TRIM25: variants seen among roughly 807,000 people sequenced by gnomAD.
TRIM25 encodes E3 ubiquitin/ISG15 ligase TRIM25.
In TRIM25, 45 loss-of-function variants were observed where a neutral mutation model predicts 65.2. The ratio of observed to expected loss-of-function variants is 0.69; its 90% CI spans 0.54 to 0.89. The LOEUF is 0.89. Ranked by LOEUF, TRIM25 falls within the 40% of genes least tolerant of loss-of-function variation. TRIM25 has a pLI of 0.00. For missense variants in TRIM25, 714 were observed against 803.7 expected (o/e 0.89, Z 1.35); for synonymous variants, 321 against 340.4 (o/e 0.94, Z 0.63).
chr17:56,908,654 C>A, intron 1 of TRIM25, 91 bp from the exon 2 acceptor site: 1 of 1,280,760 alleles, frequency 7.8e-7, no homozygotes, highest in Non-Finnish European at 1.1e-6. Flanking sequence ...GGATAGATTC[C>A]TTCCTCTTCC....
rs531536174 is a variant in TRIM25, at chr17:56,913,626, C to T, written c.363G>A (p.Val121=). Residue 121 remains valine (V), a synonymous_variant, in exon 1 of 9, where the codon GTG becomes GTA. Transcript: ENST00000316881. This position sits in a 1 kb window ranked among gnomAD's most constrained non-coding sequence, Gnocchi z 6.1. ...GCTCCTGACAGAAGGAGGCCATGCACACCAAGCACGTCTTCACGGCGGCCT... is the reference window on the plus strand; with the variant it reads ...GCTCCTGACAGAAGGAGGCCATGCATACCAAGCACGTCTTCACGGCGGCCT... ...LKEAAVKTCL[V]CMASFCQEHL... The T allele has an allele frequency of 5.1e-5, 82 of 1,603,264 alleles. 4 individuals carry two copies. The South Asian group carries it at 8.9e-4, about 17-fold the overall frequency.
In TRIM25 at chr17:56,900,028, A is replaced by G. The variant is rs572297823; in HGVS notation, c.1088-848T>C. On this transcript the variant is annotated intron_variant, in intron 4 of 8. Coordinates refer to ENST00000316881, the MANE Select transcript of TRIM25 (RefSeq NM_005082.5). ...CGAGAGTTCAAGACTAGCCTGACCAAAGTAGTGAAACCATGTCTCTATTAA... is the reference window on the plus strand; with the variant it reads ...CGAGAGTTCAAGACTAGCCTGACCAGAGTAGTGAAACCATGTCTCTATTAA... Among the ~76,000 whole-genome samples, 5 of 152,246 alleles carry G rather than the reference A, an allele frequency of 3.3e-5. No individual in the cohort carries two copies. The South Asian group carries it at 1.0e-3, about 32-fold the overall frequency.
In TRIM25 at chr17:56,913,856, C is replaced by T; in HGVS notation, c.133G>A (p.Gly45Ser). 1 of 1,560,410 alleles carries T rather than the reference C, an allele frequency of 6.4e-7. No homozygotes were observed. Among genetic ancestry groups the T allele is most frequent in the Non-Finnish European group, 8.7e-7 (1 of 1,152,838 alleles). Reference protein sequence around the residue: ...SCLNETWAVQGSPYLCPQCRA... With the variant: ...SCLNETWAVQSSPYLCPQCRA... ...CACTGCGGGCACAGGTATGGCGAGC[C>T]CTGGACTGCCCACGTCTCATTCAGG... is the stretch of plus-strand genomic sequence containing the variant. The change falls in exon 1 of 9, where the codon GGC (glycine) becomes AGC (serine). Residue 45 changes from glycine (G) to serine (S), a missense_variant. This residue lies in a region of TRIM25 where 291 missense variants were observed against 281.8 expected (regional missense o/e 1.03). Coordinates refer to ENST00000316881, the MANE Select transcript of TRIM25 (RefSeq NM_005082.5). This position sits in a 1 kb window ranked among gnomAD's most constrained non-coding sequence, Gnocchi z 6.1.
chr17:56,894,306 T>C (rs1909242072), intron 8 of TRIM25, among the ~76,000 whole-genome samples: 1 of 152,228 alleles, frequency 6.6e-6, no homozygotes, highest in Non-Finnish European at 1.5e-5. Context: ...TGGAGTGCAG[T>C]GGCACAATCT....
chr17:56,893,564 C>G (rs1909227237), intron 8 of TRIM25, among the ~76,000 whole-genome samples: 1 of 152,216 alleles, frequency 6.6e-6, no homozygotes, highest in Non-Finnish European at 1.5e-5. Flanking sequence ...AAAGGAAGGG[C>G]TATATTTTTC....
intron 5 of TRIM25, among the ~76,000 whole-genome samples, chr17:56,896,590 G>C (rs1242618673): frequency 6.6e-6 from 1 of 151,160 alleles, no homozygotes; most frequent in Non-Finnish European, 1.5e-5. Flanking sequence ...AATTGCTTGA[G>C]CCCAGGAGGA....
At position 56,913,103 on chromosome 17, in the gene TRIM25, G is replaced by A. The variant is rs1459908663; in HGVS notation, c.597+289C>T. 1.1e-5 allele frequency: 3 copies of A among 272,086 alleles called. No homozygotes were observed. Among genetic ancestry groups the A allele is most frequent in the Admixed American group, 5.4e-5 (1 of 18,590 alleles). The allele number at this position is 272,086 out of a possible 1,614,324, so 16.9% of individuals were successfully genotyped here. A position where few individuals can be genotyped will look rare whatever the true frequency, so the allele number is the denominator to read the frequency against. ...TGCAGTGAGCTGTGATTCCGCCACT[G>A]CACTCCAGCTTGGGTGAGAGGGACG... On this transcript the variant is annotated intron_variant, in intron 1 of 8. Coordinates refer to ENST00000316881, the MANE Select transcript of TRIM25 (RefSeq NM_005082.5). The surrounding 1 kb of genome is among the most constrained non-coding windows in gnomAD (Gnocchi z 6.1).
chr17:56,898,420 C>A (rs1289745765), intron 5 of TRIM25, among the ~76,000 whole-genome samples: 4 of 152,180 alleles, frequency 2.6e-5, no homozygotes, highest in African/African-American at 9.7e-5. Context: ...CATCCTGTGG[C>A]CTCGATATCA....
chr17:56,896,060 T>G, intron 5 of TRIM25, 108 bp from the exon 6 acceptor site: 1 of 1,221,474 alleles, frequency 8.2e-7, no homozygotes, highest in South Asian at 1.5e-5. Context: ...AATAAAAGGA[T>G]GTTTTAATTT....
At position 56,899,154 on chromosome 17, in the gene TRIM25, A is replaced by G. The variant is rs767020604; in HGVS notation, c.1114T>C (p.Ser372Pro). The G allele has an allele frequency of 4.8e-5, 77 of 1,613,902 alleles. No individual in the cohort carries two copies. Among genetic ancestry groups the G allele is most frequent in the Admixed American group, 1.7e-4 (10 of 59,996 alleles). Residue 372 changes from serine to proline, a missense_variant, in exon 5 of 9, where the codon TCC becomes CCC. By Grantham distance (74) the Ser-to-Pro change is moderately conservative (BLOSUM62 -1). Coordinates refer to ENST00000316881, the MANE Select transcript of TRIM25 (RefSeq NM_005082.5). Reference sequence around the variant, plus strand: ...ACAGGGCGTGTGGATTTGTGTGTGGACGCTGGGTCATGCTCTCCAGGGTCA... The same window carrying G: ...ACAGGGCGTGTGGATTTGTGTGTGGGCGCTGGGTCATGCTCTCCAGGGTCA... Reference protein sequence around the residue: ...SGDPGEHDPASTHKSTRPVKK... With the variant: ...SGDPGEHDPAPTHKSTRPVKK...
In TRIM25 at chr17:56,890,050, C is replaced by T; in HGVS notation, c.*1650G>A. On this transcript the variant is annotated 3_prime_UTR_variant, in exon 9 of 9. Transcript: ENST00000316881. ...AAGTGTTCTGAGCCTGCCTAGAGTGCCCTAGAGTTCCAGCACGAGGCCTGA... is the reference window on the plus strand; with the variant it reads ...AAGTGTTCTGAGCCTGCCTAGAGTGTCCTAGAGTTCCAGCACGAGGCCTGA... 1 of 401,846 alleles carries T rather than the reference C, an allele frequency of 2.5e-6. No individual in the cohort carries two copies. The highest frequency in any genetic ancestry group is 4.4e-6 in the Non-Finnish European group (1 of 227,222). The allele number at this position is 401,846 out of a possible 1,614,324, so 24.9% of individuals were successfully genotyped here. A position where few individuals can be genotyped will look rare whatever the true frequency, so the allele number is the denominator to read the frequency against.
At chr17:56,896,347 GA>G (rs34296661) in intron 5 of TRIM25, among the ~76,000 whole-genome samples, 1 of 148,882 alleles carries the variant, frequency 6.7e-6, no homozygotes. Context: ...TAGGGAATCA[GA>G]AAAAAAAAAA....
In TRIM25 at chr17:56,891,554, A is replaced by ACCAACCCCCCACCC; in HGVS notation, c.*145_*146insGGGTGGGGGGTTGG. On this transcript the variant is annotated 3_prime_UTR_variant, in exon 9 of 9. Coordinates refer to ENST00000316881, the MANE Select transcript of TRIM25 (RefSeq NM_005082.5). ...CTCACCCCTTTCCTGGCTAAATCCC[A>ACCAACCCCCCACCC]CCTCCCACCCTCCCGCCAGCTCCCC... is the stretch of plus-strand genomic sequence containing the variant. The ACCAACCCCCCACCC allele has an allele frequency of 3.7e-6, 1 of 272,548 alleles. No individual in the cohort carries two copies. Among genetic ancestry groups the ACCAACCCCCCACCC allele is most frequent in the Non-Finnish European group, 7.2e-6 (1 of 139,798 alleles). The allele number at this position is 272,548 out of a possible 1,614,324, so 16.9% of individuals were successfully genotyped here.
chr17:56,913,281 T>A lies in TRIM25; in HGVS notation c.597+111A>T. On this transcript the variant is annotated intron_variant, in intron 1 of 8. Transcript: ENST00000316881. The surrounding 1 kb of genome is among the most constrained non-coding windows in gnomAD (Gnocchi z 6.1). ...CATTGGAGATGCCCCGGCCTCGAAT[T>A]CAGGCCCATCTCCCCAGGGCGTCCA... 1.0e-6 allele frequency: 1 copy of A among 977,276 alleles called. No homozygotes were observed. The highest frequency in any genetic ancestry group is 1.5e-6 in the Non-Finnish European group (1 of 684,574). The allele number at this position is 977,276 out of a possible 1,614,324, so 60.5% of individuals were successfully genotyped here.
At chr17:56,898,925 T>C (rs1909353131) in intron 5 of TRIM25, 190 bp downstream of exon 5, 3 of 606,182 alleles carry the variant, frequency 4.9e-6, no homozygotes, top group South Asian at 2.0e-5. Context: ...AGCCCAAACG[T>C]GCAATGCTGA....
chr17:56,908,637 TC>T, intron 1 of TRIM25, 74 bp from the exon 2 acceptor site: 1 of 1,431,048 alleles, frequency 7.0e-7, no homozygotes, highest in Non-Finnish European at 9.7e-7. Flanking sequence ...CCTGGAACTA[TC>T]CCACAGGATA....
chr17:56,892,435 A>G (rs1378315996), intron 8 of TRIM25, among the ~76,000 whole-genome samples: 1 of 152,090 alleles, frequency 6.6e-6, no homozygotes, highest in Non-Finnish European at 1.5e-5. Context: ...CCATCCATGT[A>G]TCCATCCATC....
At chr17:56,903,607 A>G (rs538265777) in intron 3 of TRIM25, among the ~76,000 whole-genome samples, 1 of 152,274 alleles carries the variant, frequency 6.6e-6, no homozygotes, top group Admixed American at 6.5e-5. Flanking sequence ...CCTCCCCTTC[A>G]GTATCGGCAG....
At position 56,904,483 on chromosome 17, in the gene TRIM25, A is replaced by G; in HGVS notation, c.699T>C (p.Thr233=). 10 of 1,614,022 alleles carry G rather than the reference A, an allele frequency of 6.2e-6. No individual in the cohort carries two copies. Among genetic ancestry groups the G allele is most frequent in the Non-Finnish European group, 8.5e-6 (10 of 1,179,994 alleles). Residue 233 remains threonine, a synonymous_variant, in exon 3 of 9, where the codon ACT becomes ACC. Transcript: ENST00000316881. ...VRNRQQDVRM[T]ANRKVEQLQQ... ...GTAGCTGCTCCACCTTTCTGTTTGC[A>G]GTCATCTGAGAGGGCCAAGGTAAGA...
Sources: gnomAD v4.1 joint callset for allele counts (sites outside exome capture counted in the v4.1 genomes callset) on GRCh38, gnomAD v4.1.1 for gene constraint, gnomAD v4.1.1 regional missense constraint, Gnocchi (gnomAD v3.1) non-coding constraint, MANE v1.5 for transcripts, NCBI Gene and HGNC (gene_info 2026-07-23, HGNC 2026-07-21) for gene names.